VPS37A: variants seen among roughly 807,000 people sequenced by gnomAD.
VPS37A encodes the protein vacuolar protein sorting-associated protein 37A.
A neutral mutation model predicts 49.8 loss-of-function variants in VPS37A; 30 were observed. That is an observed-to-expected ratio of 0.60 (90% CI 0.45 to 0.82). The LOEUF (loss-of-function observed/expected upper bound fraction) is 0.82, where lower values mean the gene tolerates loss of function less well. VPS37A is among the 40% of genes least tolerant of loss of function. The pLI is 0.00. For missense variants in VPS37A, 593 were observed against 464.4 expected, an observed-to-expected ratio of 1.28 and a Z score of -2.55; for synonymous variants, 195 against 160.6, an observed-to-expected ratio of 1.21 and a Z score of -1.62.
intron 1 of VPS37A, among the ~76,000 whole-genome samples, chr8:17,260,124 A>G (rs1563246293): frequency 6.6e-6 from 1 of 151,750 alleles, no homozygotes; most frequent in Non-Finnish European, 1.5e-5. Flanking sequence ...GTTGTTCTTA[A>G]TCTCCTCTCT....
At position 17,247,055 on chromosome 8, in the gene VPS37A, C is replaced by T; in HGVS notation, c.-190C>T. ...CCGCAAGTTTCCCTCTCCAGCCGCC[C>T]GCCGTTCGTAGCATGTCCCCCAGAA... is the stretch of plus-strand genomic sequence containing the variant. On this transcript the variant is annotated 5_prime_UTR_variant, in exon 1 of 12. Transcript: ENST00000324849. 2 of 719,156 alleles carry T rather than the reference C, an allele frequency of 2.8e-6. No homozygotes were observed. Among genetic ancestry groups the T allele is most frequent in the South Asian group, 1.9e-5 (1 of 53,430 alleles). The allele number at this position is 719,156 out of a possible 1,614,324, so 44.5% of individuals were successfully genotyped here.
rs1034845307 is a variant in VPS37A at position 17,296,734 on chromosome 8, A to C, written c.*1748A>C. ...TTATCTACTTTCCTTTTCACCAGAAAAACAGAAAAAAAAGAAACATTTTCT... is the reference window on the plus strand; with the variant it reads ...TTATCTACTTTCCTTTTCACCAGAACAACAGAAAAAAAAGAAACATTTTCT... On this transcript the variant is annotated 3_prime_UTR_variant, in exon 12 of 12. Coordinates refer to ENST00000324849, the MANE Select transcript of VPS37A (RefSeq NM_152415.3). 6.6e-6 allele frequency: 1 copy of C among 152,218 alleles called. No individual in the cohort carries two copies. Among genetic ancestry groups the C allele is most frequent in the Non-Finnish European group, 1.5e-5 (1 of 68,026 alleles). The allele number at this position is 152,218 out of a possible 1,614,324, so 9.4% of individuals were successfully genotyped here. A position where few individuals can be genotyped will look rare whatever the true frequency, so the allele number is the denominator to read the frequency against.
chr8:17,304,640 T>G, downstream of VPS37A: 1 of 984,838 alleles, frequency 1.0e-6, no homozygotes, highest in East Asian at 2.6e-5. Flanking sequence ...GTCTGTTCGA[T>G]AGCAGGTAAA....
At chr8:17,269,061 C>G in intron 4 of VPS37A, 105 bp downstream of exon 4, 1 of 756,700 alleles carries the variant, frequency 1.3e-6, no homozygotes. Flanking sequence ...CCTCTGATTT[C>G]TACATCCCCA....
At chr8:17,318,083 T>G in the VPS37A span, among the ~76,000 whole-genome samples, 1 of 152,110 alleles carries the variant, frequency 6.6e-6, no homozygotes, top group Non-Finnish European at 1.5e-5. Flanking sequence ...AATCCACTCA[T>G]GCACTCAGGA....
intron 1 of VPS37A, among the ~76,000 whole-genome samples, chr8:17,262,573 ATGTGTGTG>A (rs139230717): frequency 2.0e-5 from 3 of 147,356 alleles, no homozygotes; most frequent in South Asian, 2.2e-4. Context: ...ACTTTAAAGT[ATGTGTGTG>A]TGTGTGTGTG....
chr8:17,330,665 A>T, the VPS37A span, among the ~76,000 whole-genome samples: 2 of 152,104 alleles, frequency 1.3e-5, no homozygotes, highest in Middle Eastern at 3.2e-3. Context: ...GTGTGTGTGG[A>T]GGTGGCGGGA....
chr8:17,260,754 G>C (rs1333046999), intron 1 of VPS37A, among the ~76,000 whole-genome samples: 1 of 152,118 alleles, frequency 6.6e-6, no homozygotes, highest in Non-Finnish European at 1.5e-5. Context: ...TTGTTTGTTT[G>C]TTTGTTCGTT....
chr8:17,324,501 C>T, the VPS37A span, among the ~76,000 whole-genome samples: 1 of 152,230 alleles, frequency 6.6e-6, no homozygotes, highest in East Asian at 1.9e-4. Context: ...CTAGCCTCTG[C>T]CTCTGCGCTT....
rs1251168966 is a variant in VPS37A at position 17,268,340 on chromosome 8, G to A, written c.283G>A (p.Gly95Arg). 3 of 1,613,032 alleles carry A rather than the reference G, an allele frequency of 1.9e-6. No homozygotes were observed. The highest frequency in any genetic ancestry group is 2.5e-6 in the Non-Finnish European group (3 of 1,179,454). ...PIRHHLMDKQ[G>R]VYVTSPLVNN... Reference sequence around the variant, plus strand: ...ACGACATCACTTAATGGATAAACAAGGAGTGTATGTTACCTCTCCATTAGT... The same window carrying A: ...ACGACATCACTTAATGGATAAACAAAGAGTGTATGTTACCTCTCCATTAGT... The change falls in exon 3 of 12, where the codon GGA becomes AGA. Residue 95 changes from glycine to arginine, a missense_variant. Transcript: ENST00000324849.
At position 17,297,116 on chromosome 8, in the gene VPS37A, T is replaced by C. The variant is rs372751509; in HGVS notation, c.*2130T>C. The C allele has an allele frequency of 3.3e-5, 5 of 152,034 alleles. No individual in the cohort carries two copies. The highest frequency in any genetic ancestry group is 3.9e-4 in the East Asian group (2 of 5,192). 9.4% of individuals were successfully genotyped at this position (152,034 alleles called of 1,614,324 possible). The stretch of plus-strand genomic sequence containing the variant: ...CGGAGAAGCAGTGCCACAGGAAAAA[T>C]GAAATGCATGTGAAAGTTTGTATTC... On this transcript the variant is annotated 3_prime_UTR_variant, in exon 12 of 12. Coordinates refer to ENST00000324849, the MANE Select transcript of VPS37A (RefSeq NM_152415.3).
At chr8:17,323,867 C>G in the VPS37A span, among the ~76,000 whole-genome samples, 1 of 152,282 alleles carries the variant, frequency 6.6e-6, no homozygotes, top group South Asian at 2.1e-4. Flanking sequence ...CATTTTGAAG[C>G]TCTCCTAGTT....
chr8:17,271,259 A>C (rs1563261057), intron 4 of VPS37A, among the ~76,000 whole-genome samples: 1 of 152,058 alleles, frequency 6.6e-6, no homozygotes, highest in East Asian at 1.9e-4. Flanking sequence ...CCTCTTTTTC[A>C]TTTGGTACTT....
the VPS37A span, among the ~76,000 whole-genome samples, chr8:17,321,511 G>A: frequency 6.6e-6 from 1 of 152,246 alleles, no homozygotes; most frequent in South Asian, 2.1e-4. Flanking sequence ...CTGAGTGGCA[G>A]TGTGAAAAGC....
At chr8:17,329,883 AGACT>A in the VPS37A span, among the ~76,000 whole-genome samples, 2 of 152,168 alleles carry the variant, frequency 1.3e-5, no homozygotes, top group African/African-American at 2.4e-5. Context: ...GTGACCTGAG[AGACT>A]GACTGCCAAT....
chr8:17,248,495 C>G (rs906253998), intron 1 of VPS37A: 11 of 401,030 alleles, frequency 2.7e-5, no homozygotes, highest in South Asian at 1.4e-4. Context: ...AGGCTGGTCT[C>G]GAACTCCTGA....
chr8:17,251,243 G>A (rs1473837310), intron 1 of VPS37A, among the ~76,000 whole-genome samples: 2 of 152,134 alleles, frequency 1.3e-5, no homozygotes, highest in African/African-American at 4.8e-5. Context: ...AAGTCTGCTG[G>A]GGAGCTGCTC....
the VPS37A span, among the ~76,000 whole-genome samples, chr8:17,314,480 C>T: frequency 1.3e-5 from 2 of 152,132 alleles, no homozygotes; most frequent in East Asian, 3.9e-4. Context: ...CCAGATTCAA[C>T]TTTGTGAACT....
chr8:17,275,564 A>G (rs1255355388), intron 5 of VPS37A, among the ~76,000 whole-genome samples: 5 of 152,186 alleles, frequency 3.3e-5, no homozygotes, highest in Admixed American at 2.6e-4. Flanking sequence ...AGCAGGTGTC[A>G]CATTATGATG....
Sources: allele counts gnomAD v4.1 joint callset (sites outside exome capture counted in the v4.1 genomes callset), GRCh38; gene constraint gnomAD v4.1.1; transcripts MANE v1.5; gene names NCBI Gene and HGNC (gene_info 2026-07-23, HGNC 2026-07-21).